Variants in LONP2 observed in about 807,000 individuals in gnomAD.
LONP2 encodes the protein lon protease homolog 2, peroxisomal.
Under a neutral mutation model 85.6 loss-of-function variants are expected in LONP2, and 60 were observed. The ratio of observed to expected loss-of-function variants is 0.70; its 90% confidence interval spans 0.57 to 0.87. The LOEUF (loss-of-function observed/expected upper bound fraction) is 0.87. Among genes scored for constraint, LONP2 ranks in the 40% least tolerant of loss-of-function variants. The pLI, the probability that LONP2 is intolerant of heterozygous loss-of-function variation, is 0.00. For missense variants in LONP2, 860 were observed against 1,063.5 expected (o/e 0.81, Z 2.66); for synonymous variants, 395 against 389.7 (o/e 1.01, Z -0.16).
chr16:48,246,615 C>T (rs1479401750), intron 1 of LONP2, among the ~76,000 whole-genome samples: 3 of 152,090 alleles, frequency 2.0e-5, no homozygotes, highest in Non-Finnish European at 4.4e-5. Flanking sequence ...CTGTCTCCTC[C>T]GCTGAAGTGC....
At chr16:48,282,437 A>G (rs1264381492) in intron 8 of LONP2, among the ~76,000 whole-genome samples, 3 of 151,376 alleles carry the variant, frequency 2.0e-5, no homozygotes, top group Non-Finnish European at 4.4e-5. Context: ...AAAGAAAGAA[A>G]GTGTTTATGG....
At chr16:48,256,475 G>A (rs985411064) in intron 2 of LONP2, 135 bp from the exon 3 acceptor site, 69 of 816,378 alleles carry the variant, frequency 8.5e-5, no homozygotes, top group Admixed American at 2.5e-4. Flanking sequence ...TGTAAAATAC[G>A]TGGACTATAT....
intron 11 of LONP2, among the ~76,000 whole-genome samples, chr16:48,318,890 T>C (rs1567339482): frequency 6.6e-6 from 1 of 152,210 alleles, no homozygotes; most frequent in Non-Finnish European, 1.5e-5. Context: ...AAGCATGCTT[T>C]ATGCTAGTTA....
rs1960322874 is a variant in LONP2, at chr16:48,355,749, T to C, written c.*3947T>C. ...TCTATGTCCCTAATGACTAGTGATGTTGAGCATTTTCTAGCATTGATTTTT... is the reference window on the plus strand; with the variant it reads ...TCTATGTCCCTAATGACTAGTGATGCTGAGCATTTTCTAGCATTGATTTTT... On this transcript the variant is annotated 3_prime_UTR_variant, in exon 15 of 15. Coordinates refer to ENST00000285737, the MANE Select transcript of LONP2 (RefSeq NM_031490.5). 6.6e-6 allele frequency: 1 copy of C among 152,200 alleles called. No individual in the cohort carries two copies. Among genetic ancestry groups the C allele is most frequent in the Non-Finnish European group, 1.5e-5 (1 of 68,040 alleles). The allele number at this position is 152,200 out of a possible 1,614,324, so 9.4% of individuals were successfully genotyped here.
chr16:48,268,770 A>G (rs1972043166), intron 6 of LONP2, among the ~76,000 whole-genome samples: 1 of 152,128 alleles, frequency 6.6e-6, no homozygotes, highest in African/African-American at 2.4e-5. Context: ...CTCTGACTAA[A>G]ATCAATAGTA....
intron 11 of LONP2, among the ~76,000 whole-genome samples, chr16:48,313,465 T>A (rs1973077462): frequency 6.6e-6 from 1 of 152,170 alleles, no homozygotes; most frequent in South Asian, 2.1e-4. Context: ...TTCTTCCTGA[T>A]GCTCTCCCTC....
rs1038428808 is a variant in LONP2, at chr16:48,355,723, T to G, written c.*3921T>G. The G allele has an allele frequency of 6.6e-6, 1 of 152,202 alleles. No homozygotes were observed. Among genetic ancestry groups the G allele is most frequent in the Non-Finnish European group, 1.5e-5 (1 of 68,042 alleles). The allele number at this position is 152,202 out of a possible 1,614,324, so 9.4% of individuals were successfully genotyped here. On this transcript the variant is annotated 3_prime_UTR_variant, in exon 15 of 15. Coordinates refer to ENST00000285737, the MANE Select transcript of LONP2 (RefSeq NM_031490.5). ...TCCAAATGGGTGTGACGTATTTTGA[T>G]TCTATGTCCCTAATGACTAGTGATG...
rs763867942 is a variant in LONP2, at chr16:48,351,618, G to C, written c.2375G>C (p.Arg792Thr). The C allele has an allele frequency of 1.3e-5, 21 of 1,613,994 alleles. No homozygotes were observed. The highest frequency in any genetic ancestry group is 1.2e-5 in the Non-Finnish European group (14 of 1,179,920). ...GIKDKVLAAH[R>T]AGLKQVIIPR... ...AAAGACAAAGTGCTGGCGGCACACA[G>C]AGCGGGACTGAAGCAAGTCATTATT... Residue 792 changes from arginine to threonine, a missense_variant, in exon 15 of 15, where the codon AGA (arginine) becomes ACA (threonine). Arg to Thr is a moderately conservative substitution (Grantham distance 71). Transcript: ENST00000285737.
At chr16:48,275,500 A>G (rs1232459052) in intron 7 of LONP2, among the ~76,000 whole-genome samples, 2 of 152,198 alleles carry the variant, frequency 1.3e-5, no homozygotes, top group East Asian at 3.8e-4. Flanking sequence ...GTAAGTAACC[A>G]TCAGATGAGT....
At chr16:48,332,189 TCTAC>T (rs1356066682) in intron 11 of LONP2, among the ~76,000 whole-genome samples, 1 of 152,142 alleles carries the variant, frequency 6.6e-6, no homozygotes, top group Non-Finnish European at 1.5e-5. Flanking sequence ...AAAATAAGGG[TCTAC>T]TAGTATTAAA....
chr16:48,321,716 T>C (rs1973268848), intron 11 of LONP2, among the ~76,000 whole-genome samples: 1 of 152,174 alleles, frequency 6.6e-6, no homozygotes, highest in South Asian at 2.1e-4. Context: ...AGAGTGGTAT[T>C]TGTATATCTA....
intron 11 of LONP2, among the ~76,000 whole-genome samples, chr16:48,331,347 A>C (rs547299830): frequency 1.3e-5 from 2 of 152,286 alleles, no homozygotes; most frequent in African/African-American, 4.8e-5. Flanking sequence ...TCCCATTTCC[A>C]CAAGCTGCTG....
intron 7 of LONP2, among the ~76,000 whole-genome samples, chr16:48,276,398 G>A (rs1445810840): frequency 2.0e-5 from 3 of 152,158 alleles, no homozygotes. Context: ...ACTTGTCATT[G>A]ATCATTTTCT....
At chr16:48,347,971 T>TCACCACAC (rs1960021100) in intron 13 of LONP2, 129 bp from the exon 14 acceptor site, 1 of 864,176 alleles carries the variant, frequency 1.2e-6, no homozygotes, top group African/African-American at 1.7e-5. Context: ...ACCCAAATTG[T>TCACCACAC]ACTGTCCACC....
chr16:48,283,377 G>C (rs1017374848), intron 8 of LONP2, among the ~76,000 whole-genome samples: 4 of 152,154 alleles, frequency 2.6e-5, no homozygotes, highest in Admixed American at 6.5e-5. Flanking sequence ...GACTTTCATG[G>C]CTAGAGAAGT....
At chr16:48,332,280 A>G (rs1426476695) in intron 11 of LONP2, among the ~76,000 whole-genome samples, 10 of 152,232 alleles carry the variant, frequency 6.6e-5, no homozygotes, top group African/African-American at 9.6e-5. Context: ...TAAAATAAAT[A>G]TATGTAGATA....
chr16:48,249,428 A>G (rs1045171192), intron 1 of LONP2, among the ~76,000 whole-genome samples: 2 of 152,238 alleles, frequency 1.3e-5, no homozygotes, highest in African/African-American at 4.8e-5. Flanking sequence ...GGAAAATATT[A>G]GTTGAGTATT....
rs1216206681 is a variant in LONP2, at chr16:48,356,579, CTA to C, written c.*4778_*4779del. ...CAATTTGATGATTTATGGTCCAACA[CTA>C]ATGCTCATTTTTTTTGTTTGTTTTA... On this transcript the variant is annotated 3_prime_UTR_variant, in exon 15 of 15. Transcript: ENST00000285737. 4.3e-6 allele frequency: 1 copy of C among 231,538 alleles called. No individual in the cohort carries two copies. Among genetic ancestry groups the C allele is most frequent in the Non-Finnish European group, 9.0e-6 (1 of 111,656 alleles). The allele number at this position is 231,538 out of a possible 1,614,324, so 14.3% of individuals were successfully genotyped here.
intron 2 of LONP2, among the ~76,000 whole-genome samples, chr16:48,253,380 G>T (rs1444229337): frequency 6.6e-6 from 1 of 151,884 alleles, no homozygotes; most frequent in Non-Finnish European, 1.5e-5. Flanking sequence ...TGAGGTGGGA[G>T]GATTACTTGA....
Sources: allele counts gnomAD v4.1 joint callset (sites outside exome capture counted in the v4.1 genomes callset), GRCh38; gene constraint gnomAD v4.1.1; transcripts MANE v1.5; gene names NCBI Gene and HGNC (gene_info 2026-07-23, HGNC 2026-07-21).